Variants in HTR1F observed in about 807,000 individuals in gnomAD.
HTR1F encodes the protein 5-hydroxytryptamine (serotonin) receptor 1F, G protein-coupled.
In HTR1F, 17 loss-of-function variants were observed where a neutral mutation model predicts 24.0. The ratio of observed to expected loss-of-function variants is 0.71; its 90% CI spans 0.48 to 1.06. The LOEUF (loss-of-function observed/expected upper bound fraction) is 1.06. Among genes scored for constraint, HTR1F ranks in the 50% least tolerant of loss-of-function variants. The pLI is 0.00. For synonymous variants in HTR1F, 186 were observed against 156.8 expected (o/e 1.19, Z -1.39); for missense variants, 391 against 427.8 (o/e 0.91, Z 0.76).
intron 2 of HTR1F, among the ~76,000 whole-genome samples, chr3:87,837,785 C>G (rs1287193714): frequency 6.6e-6 from 1 of 151,860 alleles, no homozygotes; most frequent in Admixed American, 6.6e-5. Flanking sequence ...GGTACTTAGC[C>G]CATTTTCTGG....
chr3:87,993,470 G>A lies in HTR1F; in HGVS notation c.*1620G>A, dbSNP rs1705880793. 1.2e-5 allele frequency: 2 copies of A among 166,902 alleles called. No homozygotes were observed. Among genetic ancestry groups the A allele is most frequent in the Admixed American group, 1.3e-4 (2 of 15,268 alleles). The allele number at this position is 166,902 out of a possible 1,614,324, so 10.3% of individuals were successfully genotyped here. On this transcript the variant is annotated 3_prime_UTR_variant, in exon 3 of 3. Transcript: ENST00000319595. ...TTGTTTACACAGTTATGATGGTGCA[G>A]AGGAAAAACTGATCGCATCTTGTTT...
intron 2 of HTR1F, among the ~76,000 whole-genome samples, chr3:87,944,534 C>T (rs1171482158): frequency 3.9e-5 from 6 of 152,204 alleles, no homozygotes; most frequent in Admixed American, 3.3e-4. Flanking sequence ...GGGAGTTCCT[C>T]CTAGGTCTGG....
chr3:87,940,827 G>C (rs1337704484), intron 2 of HTR1F, among the ~76,000 whole-genome samples: 3 of 152,160 alleles, frequency 2.0e-5, no homozygotes. Flanking sequence ...TTTCCTCATG[G>C]TTGTCTGACA....
intron 2 of HTR1F, among the ~76,000 whole-genome samples, chr3:87,914,169 G>C (rs1703839801): frequency 6.6e-6 from 1 of 152,114 alleles, no homozygotes; most frequent in Non-Finnish European, 1.5e-5. Flanking sequence ...ATAATACAGG[G>C]GTAGAGGTGG....
At chr3:87,796,495 TC>T (rs1167852343) in intron 1 of HTR1F, among the ~76,000 whole-genome samples, 1 of 152,128 alleles carries the variant, frequency 6.6e-6, no homozygotes, top group Non-Finnish European at 1.5e-5. Context: ...TGAAATAATT[TC>T]AGGGGAGAAT....
chr3:87,948,862 G>A (rs1704772083), intron 2 of HTR1F, among the ~76,000 whole-genome samples: 1 of 152,114 alleles, frequency 6.6e-6, no homozygotes, highest in Admixed American at 6.5e-5. Flanking sequence ...CATGTTTGTA[G>A]TACCAATAGC....
chr3:87,884,072 A>T (rs1705876918), intron 2 of HTR1F, among the ~76,000 whole-genome samples: 1 of 152,186 alleles, frequency 6.6e-6, no homozygotes, highest in Non-Finnish European at 1.5e-5. Context: ...ATGAAGGAAA[A>T]AATGTTAAGG....
At chr3:87,927,074 T>C (rs1704143029) in intron 2 of HTR1F, among the ~76,000 whole-genome samples, 1 of 152,126 alleles carries the variant, frequency 6.6e-6, no homozygotes, top group Non-Finnish European at 1.5e-5. Flanking sequence ...GTCGAGGCTT[T>C]GTAGAGGACT....
intron 1 of HTR1F, among the ~76,000 whole-genome samples, chr3:87,812,230 G>A (rs1285038162): frequency 1.3e-5 from 2 of 152,160 alleles, no homozygotes; most frequent in African/African-American, 4.8e-5. Context: ...ATAGAGTTTG[G>A]AGGGCTCAGA....
intron 1 of HTR1F, among the ~76,000 whole-genome samples, chr3:87,817,176 G>A (rs1166049189): frequency 1.3e-5 from 2 of 152,084 alleles, no homozygotes; most frequent in African/African-American, 4.8e-5. Context: ...TTATCAATGT[G>A]TGGAAAAAGT....
intron 2 of HTR1F, among the ~76,000 whole-genome samples, chr3:87,980,983 C>T (rs1170058869): frequency 1.3e-5 from 2 of 152,080 alleles, no homozygotes; most frequent in African/African-American, 4.8e-5. Flanking sequence ...AGCTGGGGGG[C>T]TGCTGCTGCA....
Position 87,920,029 on chromosome 3 carries a change from T to TTATATATATATATATATA in HTR1F, c.-42-70675_-42-70658dup, listed in dbSNP as rs74326472. Among the ~76,000 whole-genome samples, 1,186 of 141,820 alleles carry TTATATATATATATATATA rather than the reference T, an allele frequency of 8.4e-3. 5 individuals carry two copies. Among genetic ancestry groups the TTATATATATATATATATA allele is most frequent in the South Asian group, 0.023 (103 of 4,474 alleles). The allele number at this position is 141,820 out of a possible 152,430, so 93.0% of individuals were successfully genotyped here. ...GTGTGGGAGAGATATATATGTAATA[T>TTATATATATATATATATA]TATATATATATATATATATATGATA... is the stretch of plus-strand genomic sequence containing the variant. On this transcript the variant is annotated intron_variant, in intron 2 of 2. Transcript: ENST00000319595.
chr3:87,815,190 T>C (rs1379508534), intron 1 of HTR1F, among the ~76,000 whole-genome samples: 1 of 152,118 alleles, frequency 6.6e-6, no homozygotes, highest in Non-Finnish European at 1.5e-5. Flanking sequence ...CTTTGGGCTA[T>C]AATAAACAGG....
intron 2 of HTR1F, among the ~76,000 whole-genome samples, chr3:87,945,921 G>A (rs1316344288): frequency 1.3e-5 from 2 of 152,038 alleles, no homozygotes; most frequent in Non-Finnish European, 2.9e-5. Flanking sequence ...AATGGCGGTG[G>A]GCCACTTCCA....
chr3:87,843,796 CG>C (rs1197272069), intron 2 of HTR1F, among the ~76,000 whole-genome samples: 1 of 150,874 alleles, frequency 6.6e-6, no homozygotes, highest in Non-Finnish European at 1.5e-5. Flanking sequence ...TCTGTTCTTG[CG>C]ATAGTTTACT....
chr3:87,920,319 G>A (rs1703986683), intron 2 of HTR1F, among the ~76,000 whole-genome samples: 1 of 151,444 alleles, frequency 6.6e-6, no homozygotes, highest in Non-Finnish European at 1.5e-5. Flanking sequence ...TCAGGTGATG[G>A]GTGCACCAAA....
chr3:87,967,476 T>C (rs1404244318), intron 2 of HTR1F, among the ~76,000 whole-genome samples: 1 of 148,944 alleles, frequency 6.7e-6, no homozygotes, highest in Admixed American at 6.7e-5. Flanking sequence ...ACAGGGAAAG[T>C]GGTACCTCAA....
intron 1 of HTR1F, among the ~76,000 whole-genome samples, chr3:87,811,183 C>G (rs1437377022): frequency 6.6e-6 from 1 of 151,858 alleles, no homozygotes; most frequent in Non-Finnish European, 1.5e-5. Flanking sequence ...GGAGATTCTC[C>G]AGTAGTCTGG....
At chr3:87,980,721 C>G (rs1202009213) in intron 2 of HTR1F, among the ~76,000 whole-genome samples, 1 of 152,146 alleles carries the variant, frequency 6.6e-6, no homozygotes. Context: ...CCTCAGTCCC[C>G]CCTCGGCCTC....
Sources: allele counts gnomAD v4.1 joint callset (sites outside exome capture counted in the v4.1 genomes callset), GRCh38; gene constraint gnomAD v4.1.1; transcripts MANE v1.5; gene names NCBI Gene and HGNC (gene_info 2026-07-23, HGNC 2026-07-21).